NFIA: variants seen among roughly 807,000 people sequenced by gnomAD.
The protein encoded by NFIA is nuclear factor 1 A-type.
NFIA carries 8 observed loss-of-function variants against 62.8 expected under a neutral mutation model. The ratio of observed to expected loss-of-function variants is 0.13; its 90% CI spans 0.07 to 0.23. The LOEUF is 0.23. NFIA is among the 10% of genes least tolerant of loss of function. The probability of loss-of-function intolerance (pLI) is 1.00; values close to 1 mark genes in which losing one functional copy is unlikely to be tolerated. For synonymous variants in NFIA, 235 were observed against 238.1 expected (o/e 0.99, Z 0.12); for missense variants, 410 against 642.1 (o/e 0.64, Z 3.91).
rs147429897 is a variant in NFIA, at chr1:61,417,029, A to C, written c.1421-9436A>C. Reference sequence around the variant, plus strand: ...TAAGAGATAAGCATTACAAAGAAGGAATAGGAAAAAGAACAGAACATTGGA... The same window carrying C: ...TAAGAGATAAGCATTACAAAGAAGGCATAGGAAAAAGAACAGAACATTGGA... On this transcript the variant is annotated intron_variant, in intron 9 of 10. Transcript: ENST00000403491. Among the ~76,000 whole-genome samples, 239 of 152,240 alleles carry C rather than the reference A, an allele frequency of 1.6e-3. 2 individuals carry two copies. The highest frequency in any genetic ancestry group is 5.6e-3 in the African/African-American group (234 of 41,552).
At chr1:61,213,748 G>A (rs575008662) in intron 2 of NFIA, among the ~76,000 whole-genome samples, 14 of 152,180 alleles carry the variant, frequency 9.2e-5, no homozygotes, top group African/African-American at 2.6e-4. Context: ...ACAACCTTGC[G>A]ATCCGATGGC....
chr1:61,440,418 A>C (rs1342607170), intron 10 of NFIA, among the ~76,000 whole-genome samples: 1 of 152,250 alleles, frequency 6.6e-6, no homozygotes, highest in Non-Finnish European at 1.5e-5. Flanking sequence ...TCTCATATAC[A>C]GTTGAGAACA....
chr1:61,317,264 C>T (rs190897474), intron 3 of NFIA, among the ~76,000 whole-genome samples: 1 of 152,162 alleles, frequency 6.6e-6, no homozygotes, highest in East Asian at 1.9e-4. Flanking sequence ...AACTTGATCT[C>T]CTGCAAGTAA....
intron 2 of NFIA, among the ~76,000 whole-genome samples, chr1:61,194,847 G>T (rs1169850069): frequency 6.6e-6 from 1 of 152,114 alleles, no homozygotes; most frequent in African/African-American, 2.4e-5. Context: ...AATTTCTAGG[G>T]TTCTCAAAAC....
chr1:61,388,360 A>T (rs1352427434), intron 7 of NFIA, among the ~76,000 whole-genome samples: 1 of 152,190 alleles, frequency 6.6e-6, no homozygotes, highest in African/African-American at 2.4e-5. Flanking sequence ...TGTCTTATTC[A>T]TGATAATTGA....
rs561180196 is a variant in NFIA at position 61,202,284 on chromosome 1, G to C, written c.560-75236G>C. Among the ~76,000 whole-genome samples, 7 of 152,268 alleles carry C rather than the reference G, an allele frequency of 4.6e-5. No homozygotes were observed. In the South Asian group the frequency reaches 1.5e-3, roughly 32 times the overall value. The stretch of plus-strand genomic sequence containing the variant: ...GGAAAACACTGTGGTCAATTTTGGG[G>C]AAGGAGGATGGAATACAGGCATGAC... On this transcript the variant is annotated intron_variant, in intron 2 of 10. Coordinates refer to ENST00000403491, the MANE Select transcript of NFIA (RefSeq NM_001134673.4).
intron 10 of NFIA, among the ~76,000 whole-genome samples, chr1:61,435,992 C>G (rs1667310494): frequency 6.6e-6 from 1 of 152,120 alleles, no homozygotes; most frequent in Non-Finnish European, 1.5e-5. Flanking sequence ...GTGCAGAGGT[C>G]ATTTCTTTTC....
chr1:61,346,085 T>C (rs1662214704), intron 4 of NFIA, among the ~76,000 whole-genome samples: 1 of 152,228 alleles, frequency 6.6e-6, no homozygotes, highest in Non-Finnish European at 1.5e-5. Flanking sequence ...GCATTTTTTA[T>C]GCCCCATGAC....
chr1:61,085,757 C>T (rs1400772470), intron 1 of NFIA, among the ~76,000 whole-genome samples: 1 of 152,098 alleles, frequency 6.6e-6, no homozygotes, highest in Non-Finnish European at 1.5e-5. Flanking sequence ...CTGGCAGGTT[C>T]TTAACCTTTG....
At chr1:61,117,167 A>G (rs963911791) in intron 2 of NFIA, among the ~76,000 whole-genome samples, 4 of 152,124 alleles carry the variant, frequency 2.6e-5, no homozygotes, top group African/African-American at 7.2e-5. Context: ...GTTAACAGAG[A>G]CACCGCTATT....
intron 2 of NFIA, among the ~76,000 whole-genome samples, chr1:61,123,082 A>T (rs1454266834): frequency 6.6e-6 from 1 of 152,234 alleles, no homozygotes; most frequent in Non-Finnish European, 1.5e-5. Context: ...ATGATATCCT[A>T]TCATCAGAAT....
intron 4 of NFIA, among the ~76,000 whole-genome samples, chr1:61,337,723 T>G (rs1334779051): frequency 1.3e-5 from 2 of 152,256 alleles, no homozygotes; most frequent in Non-Finnish European, 2.9e-5. Flanking sequence ...GATTGGTCTC[T>G]TTCCCTTGAA....
chr1:61,185,844 T>C lies in NFIA; in HGVS notation c.560-91676T>C, dbSNP rs559518495. On this transcript the variant is annotated intron_variant, in intron 2 of 10. Coordinates refer to ENST00000403491, the MANE Select transcript of NFIA (RefSeq NM_001134673.4). Reference sequence around the variant, plus strand: ...TAAAAGAGTGTTCTGTCTAAAATTGTCCTTCCTGTTTATATTTTCCATAAT... The same window carrying C: ...TAAAAGAGTGTTCTGTCTAAAATTGCCCTTCCTGTTTATATTTTCCATAAT... Among the ~76,000 whole-genome samples the C allele has an allele frequency of 1.2e-4, 19 of 152,228 alleles. No individual in the cohort carries two copies. In the South Asian group the frequency reaches 3.5e-3, roughly 28 times the overall value.
At chr1:61,082,925 T>G in intron 1 of NFIA, 107 bp downstream of exon 1, 1 of 1,060,550 alleles carries the variant, frequency 9.4e-7, no homozygotes, top group South Asian at 1.9e-5. Flanking sequence ...GCCCAGGGCG[T>G]GCGTCTCGGT....
chr1:61,194,189 A>AT (rs1651838944), intron 2 of NFIA, among the ~76,000 whole-genome samples: 1 of 152,170 alleles, frequency 6.6e-6, no homozygotes, highest in Non-Finnish European at 1.5e-5. Flanking sequence ...TTCCCCATCC[A>AT]TTAAGATGTC....
chr1:61,410,930 A>T (rs1485090982), intron 9 of NFIA, among the ~76,000 whole-genome samples: 1 of 151,810 alleles, frequency 6.6e-6, no homozygotes, highest in East Asian at 1.9e-4. Context: ...AAAAATAAAT[A>T]AAAATAAAAG....
At chr1:61,414,545 T>G (rs1462674458) in intron 9 of NFIA, among the ~76,000 whole-genome samples, 8 of 151,344 alleles carry the variant, frequency 5.3e-5, no homozygotes, top group African/African-American at 1.5e-4. Flanking sequence ...TGTTTTGTTT[T>G]TTTTTTTCAG....
intron 2 of NFIA, among the ~76,000 whole-genome samples, chr1:61,102,357 T>A (rs1646525930): frequency 6.6e-6 from 1 of 152,220 alleles, no homozygotes; most frequent in Non-Finnish European, 1.5e-5. Context: ...GCCATCTGTA[T>A]ACAAATCTCA....
intron 1 of NFIA, among the ~76,000 whole-genome samples, chr1:61,087,681 T>C (rs1646242747): frequency 6.6e-6 from 1 of 152,216 alleles, no homozygotes; most frequent in African/African-American, 2.4e-5. Flanking sequence ...TAGACTTCCA[T>C]AAACATTGAC....
Sources: allele counts gnomAD v4.1 joint callset (sites outside exome capture counted in the v4.1 genomes callset), GRCh38; gene constraint gnomAD v4.1.1; transcripts MANE v1.5; gene names NCBI Gene and HGNC (gene_info 2026-07-23, HGNC 2026-07-21).